Variants in ARHGEF26 observed in about 807,000 individuals in gnomAD.
ARHGEF26 encodes Rho guanine nucleotide exchange factor 26, also known as Rho guanine nucleotide exchange factor (GEF) 26.
Under a neutral mutation model 89.4 loss-of-function variants are expected in ARHGEF26, and 59 were observed. The ratio of observed to expected loss-of-function variants is 0.66; its 90% CI spans 0.54 to 0.82. The LOEUF (loss-of-function observed/expected upper bound fraction) is 0.82, where lower values mean the gene tolerates loss of function less well. Among genes scored for constraint, ARHGEF26 ranks in the 40% least tolerant of loss-of-function variants. The probability of loss-of-function intolerance (pLI) is 0.00; values close to 1 mark genes in which losing one functional copy is unlikely to be tolerated. For synonymous variants in ARHGEF26, 500 were observed against 428.4 expected (o/e 1.17, Z -2.06); for missense variants, 1,234 against 1,085.6 (o/e 1.14, Z -1.92).
In ARHGEF26 at chr3:154,201,946, T is replaced by G. The variant is rs574909000; in HGVS notation, c.1845+7228T>G. Reference sequence around the variant, plus strand: ...TAGGTTGCGAAAATTTTCTCCCATTTTGTAGGTTGCCTGTTCACTCTGATG... The same window carrying G: ...TAGGTTGCGAAAATTTTCTCCCATTGTGTAGGTTGCCTGTTCACTCTGATG... On this transcript the variant is annotated intron_variant, in intron 9 of 14. Transcript: ENST00000465093. 1.5e-3 allele frequency among the ~76,000 whole-genome samples: 227 copies of G among 151,438 alleles called. 2 individuals are homozygous for G. Among genetic ancestry groups the G allele is most frequent in the African/African-American group, 4.9e-3 (204 of 41,484 alleles).
chr3:154,218,381 C>G (rs557693690), intron 10 of ARHGEF26, among the ~76,000 whole-genome samples: 2 of 152,152 alleles, frequency 1.3e-5, no homozygotes, highest in East Asian at 3.9e-4. Flanking sequence ...CAAAACAGAT[C>G]GTTAATGGAT....
chr3:154,256,435 A>C lies in ARHGEF26; in HGVS notation c.*962A>C, dbSNP rs981259916. On this transcript the variant is annotated 3_prime_UTR_variant, in exon 15 of 15. Transcript: ENST00000465093. ...ACAGGGTTTCATCATGTTGGCCAGG[A>C]TGGTCTCTTAACTCCTGCCCTCAAG... is the stretch of plus-strand genomic sequence containing the variant. 2.5e-6 allele frequency: 2 copies of C among 807,086 alleles called. No homozygotes were observed. The highest frequency in any genetic ancestry group is 3.0e-6 in the Non-Finnish European group (2 of 669,646). The allele number at this position is 807,086 out of a possible 1,614,324, so 50.0% of individuals were successfully genotyped here. A position where few individuals can be genotyped will look rare whatever the true frequency, so the allele number is the denominator to read the frequency against.
intron 4 of ARHGEF26, among the ~76,000 whole-genome samples, chr3:154,131,827 TC>T (rs1718699187): frequency 1.3e-5 from 2 of 152,244 alleles, no homozygotes. Context: ...AGTTTGGCTT[TC>T]ATATACATGA....
intron 10 of ARHGEF26, among the ~76,000 whole-genome samples, chr3:154,218,365 C>T (rs1036928893): frequency 1.3e-5 from 2 of 152,248 alleles, no homozygotes; most frequent in South Asian, 2.1e-4. Context: ...CTCCTTTTCT[C>T]GTTTACAAAA....
chr3:154,228,823 A>G (rs773759096), intron 11 of ARHGEF26, among the ~76,000 whole-genome samples: 1 of 152,366 alleles, frequency 6.6e-6, no homozygotes, highest in East Asian at 1.9e-4. Context: ...AGGCTTGGCC[A>G]CAAGTTACAG....
chr3:154,185,484 T>TTA (rs1174186848), intron 6 of ARHGEF26, among the ~76,000 whole-genome samples: 9 of 152,050 alleles, frequency 5.9e-5, no homozygotes, highest in Non-Finnish European at 1.0e-4. Context: ...TTCTGCTTTA[T>TTA]TATATAGGGT....
At chr3:154,142,073 T>C (rs1434554636) in intron 4 of ARHGEF26, among the ~76,000 whole-genome samples, 1 of 152,168 alleles carries the variant, frequency 6.6e-6, no homozygotes, top group African/African-American at 2.4e-5. Flanking sequence ...CCAAAGTGAA[T>C]GACACAGTTG....
intron 6 of ARHGEF26, among the ~76,000 whole-genome samples, chr3:154,178,008 A>G (rs1712934352): frequency 6.6e-6 from 1 of 152,098 alleles, no homozygotes; most frequent in African/African-American, 2.4e-5. Context: ...GTTCGAGACC[A>G]GCCTGGCCAA....
At chr3:154,235,022 T>C (rs1443019938) in intron 11 of ARHGEF26, among the ~76,000 whole-genome samples, 3 of 152,080 alleles carry the variant, frequency 2.0e-5, no homozygotes, top group Non-Finnish European at 4.4e-5. Context: ...TTGGCCTCCC[T>C]ACAGTATGTT....
At position 154,152,734 on chromosome 3, in the gene ARHGEF26, A is replaced by AAAG. The variant is rs1423705997; in HGVS notation, c.1327-35_1327-33dup. 3.6e-6 allele frequency: 5 copies of AAAG among 1,385,286 alleles called. No homozygotes were observed. The African/African-American group carries it at 7.3e-5, about 20-fold the overall frequency. The allele number at this position is 1,385,286 out of a possible 1,614,324, so 85.8% of individuals were successfully genotyped here. On this transcript the variant is annotated intron_variant, in intron 5 of 14. Coordinates refer to ENST00000465093, the MANE Select transcript of ARHGEF26 (RefSeq NM_015595.4). ...AGAGCTATATTTAGTTCTTTAATTA[A>AAAG]AAGAATTAATAATACATTTCTTTTT...
chr3:154,216,492 A>ATTTTTTTTTT (rs1428596973), intron 9 of ARHGEF26, among the ~76,000 whole-genome samples: 2 of 129,006 alleles, frequency 1.6e-5, no homozygotes, highest in African/African-American at 2.9e-5. Flanking sequence ...TTTTTTTTTT[A>ATTTTTTTTTT]TTTTTTTTTA....
At chr3:154,140,868 A>C (rs1719326407) in intron 4 of ARHGEF26, among the ~76,000 whole-genome samples, 1 of 152,072 alleles carries the variant, frequency 6.6e-6, no homozygotes, top group Non-Finnish European at 1.5e-5. Flanking sequence ...GGCATGAGCC[A>C]CCATGCCCAG....
At chr3:154,204,657 A>G (rs1419843761) in intron 9 of ARHGEF26, among the ~76,000 whole-genome samples, 1 of 152,052 alleles carries the variant, frequency 6.6e-6, no homozygotes, top group East Asian at 1.9e-4. Context: ...TTATTCACTT[A>G]CAGCTATAAA....
At chr3:154,203,666 G>T (rs1714812770) in intron 9 of ARHGEF26, among the ~76,000 whole-genome samples, 1 of 151,922 alleles carries the variant, frequency 6.6e-6, no homozygotes, top group Non-Finnish European at 1.5e-5. Flanking sequence ...TCTATACCCA[G>T]TTTTTGAGGG....
chr3:154,238,724 A>G (rs1311263147), intron 11 of ARHGEF26, among the ~76,000 whole-genome samples: 1 of 152,172 alleles, frequency 6.6e-6, no homozygotes, highest in Admixed American at 6.6e-5. Flanking sequence ...ACAGTTATTT[A>G]TTGAGCACTC....
intron 12 of ARHGEF26, among the ~76,000 whole-genome samples, chr3:154,242,210 T>TG (rs1471735716): frequency 1.3e-5 from 2 of 152,218 alleles, no homozygotes; most frequent in Non-Finnish European, 2.9e-5. Flanking sequence ...AGGCTACAGC[T>TG]ACCATAGACA....
chr3:154,155,075 G>A (rs1189860050), intron 6 of ARHGEF26, among the ~76,000 whole-genome samples: 1 of 151,850 alleles, frequency 6.6e-6, no homozygotes, highest in African/African-American at 2.4e-5. Context: ...TTCTAGCAGA[G>A]TATGTCAACA....
intron 1 of ARHGEF26, 31 bp from the exon 2 acceptor site, chr3:154,121,911 G>A: frequency 6.7e-7 from 1 of 1,499,410 alleles, no homozygotes; most frequent in Non-Finnish European, 8.9e-7. Context: ...GTTGTCCAGA[G>A]GCACAGTTTC....
intron 12 of ARHGEF26, among the ~76,000 whole-genome samples, chr3:154,244,504 TAGGGA>T (rs1343979244): frequency 6.6e-6 from 1 of 152,106 alleles, no homozygotes; most frequent in Non-Finnish European, 1.5e-5. Flanking sequence ...AGAAAGCATA[TAGGGA>T]AGTGATCAGA....
Sources: allele counts gnomAD v4.1 joint callset (sites outside exome capture counted in the v4.1 genomes callset), GRCh38; gene constraint gnomAD v4.1.1; transcripts MANE v1.5; gene names NCBI Gene and HGNC (gene_info 2026-07-23, HGNC 2026-07-21).